Variants in KLF8 observed in about 807,000 individuals in gnomAD.
KLF8 encodes the protein KLF transcription factor 8.
A neutral mutation model predicts 18.2 loss-of-function variants in KLF8; 10 were observed. That is an observed-to-expected ratio of 0.55 (90% CI 0.34 to 0.93). The LOEUF (loss-of-function observed/expected upper bound fraction) is 0.93, where lower values mean the gene tolerates loss of function less well. Ranked by LOEUF, KLF8 falls within the 40% of genes least tolerant of loss-of-function variation. KLF8 has a pLI of 0.02. For synonymous variants in KLF8, 109 were observed against 97.3 expected (o/e 1.12, Z -0.71); for missense variants, 264 against 277.9 (o/e 0.95, Z 0.36).
the KLF8 span, among the ~76,000 whole-genome samples, chrX:56,037,305 G>T: frequency 9.0e-6 from 1 of 110,966 alleles, no homozygotes; most frequent in Admixed American, 9.6e-5. Flanking sequence ...TTTGTTGGTG[G>T]ATTCCATTTA....
the KLF8 span, among the ~76,000 whole-genome samples, chrX:56,191,758 A>G: frequency 1.8e-5 from 2 of 111,559 alleles, no homozygotes; most frequent in African/African-American, 3.2e-5. Context: ...CTAAAAATGC[A>G]TTTAATAAAA....
At chrX:56,189,089 C>A in the KLF8 span, among the ~76,000 whole-genome samples, 1 of 111,399 alleles carries the variant, frequency 9.0e-6, no homozygotes, top group Non-Finnish European at 1.9e-5. Flanking sequence ...AGGCAGCATA[C>A]AAAATGGGAG....
the KLF8 span, among the ~76,000 whole-genome samples, chrX:56,060,033 C>A: frequency 9.0e-6 from 1 of 111,162 alleles, no homozygotes; most frequent in Non-Finnish European, 1.9e-5. Flanking sequence ...CTTCCTTGAG[C>A]AGTGAGACCT....
the KLF8 span, among the ~76,000 whole-genome samples, chrX:55,984,008 GATAT>G: frequency 6.6e-5 from 7 of 106,211 alleles, no homozygotes; most frequent in East Asian, 5.8e-4. Flanking sequence ...TATATATAAT[GATAT>G]ATATATATAT....
chrX:56,232,979 C>G lies in KLF8; in HGVS notation c.-356C>G. On this transcript the variant is annotated 5_prime_UTR_variant, in exon 1 of 6. Coordinates refer to ENST00000468660, the MANE Select transcript of KLF8 (RefSeq NM_007250.5). The stretch of plus-strand genomic sequence containing the variant: ...CTCTGGCCACTTCGGCCCAGCGAAC[C>G]CACTTTATTTTTGTCCAAGGAAAAG... 1 of 271,265 alleles carries G rather than the reference C, an allele frequency of 3.7e-6. No individual in the cohort carries two copies. The highest frequency in any genetic ancestry group is 6.7e-6 in the Non-Finnish European group (1 of 148,494). 22.4% of individuals were successfully genotyped at this position (271,265 alleles called of 1,213,427 possible).
chrX:56,256,536 T>A (rs1178600172), intron 2 of KLF8, among the ~76,000 whole-genome samples: 1 of 111,678 alleles, frequency 9.0e-6, no homozygotes, highest in Non-Finnish European at 1.9e-5. Context: ...TGTCTTCTGA[T>A]GTAGGCACTT....
At chrX:56,217,398 C>CTATT in the KLF8 span, among the ~76,000 whole-genome samples, 1,435 of 103,590 alleles carry the variant, frequency 0.014, 40 homozygotes, top group African/African-American at 0.047. Flanking sequence ...CTGAATTGTA[C>CTATT]TATTTATTTA....
chrX:55,928,337 C>T, the KLF8 span, among the ~76,000 whole-genome samples: 139 of 111,489 alleles, frequency 1.2e-3, no homozygotes, highest in Non-Finnish European at 2.2e-3. Context: ...AGATTGTCTG[C>T]TGAGTTTCCC....
intron 2 of KLF8, among the ~76,000 whole-genome samples, chrX:56,263,699 A>C (rs780036351): frequency 8.9e-6 from 1 of 112,318 alleles, no homozygotes; most frequent in South Asian, 3.7e-4. Context: ...CATAATTATC[A>C]CACCTTAAAA....
At chrX:56,058,595 A>G in the KLF8 span, among the ~76,000 whole-genome samples, 1 of 105,128 alleles carries the variant, frequency 9.5e-6, no homozygotes, top group African/African-American at 3.5e-5. Flanking sequence ...AAGTAAGAAC[A>G]TGTGGGGTTT....
At chrX:55,986,032 T>C in the KLF8 span, among the ~76,000 whole-genome samples, 1 of 111,797 alleles carries the variant, frequency 8.9e-6, no homozygotes, top group African/African-American at 3.3e-5. Flanking sequence ...ATTAAGAAGC[T>C]TTTGGGCTGA....
At chrX:56,072,560 G>T in the KLF8 span, among the ~76,000 whole-genome samples, 1 of 111,223 alleles carries the variant, frequency 9.0e-6, no homozygotes, top group East Asian at 2.8e-4. Context: ...ACTATCTTGG[G>T]CGATATATTT....
At chrX:56,076,639 C>A in the KLF8 span, among the ~76,000 whole-genome samples, 4 of 111,380 alleles carry the variant, frequency 3.6e-5, no homozygotes, top group Non-Finnish European at 5.7e-5. Flanking sequence ...GACTTATAGT[C>A]CTTCGGGTAT....
the KLF8 span, among the ~76,000 whole-genome samples, chrX:56,179,564 G>C: frequency 8.9e-6 from 1 of 112,054 alleles, no homozygotes; most frequent in Non-Finnish European, 1.9e-5. Context: ...TCCCTGTCTT[G>C]TGACAGTTTT....
At chrX:55,973,894 A>G in the KLF8 span, among the ~76,000 whole-genome samples, 2 of 111,847 alleles carry the variant, frequency 1.8e-5, no homozygotes, top group South Asian at 7.5e-4. Context: ...GTTTGTTCAT[A>G]GCAGCAGTAT....
At chrX:56,053,142 C>A in the KLF8 span, among the ~76,000 whole-genome samples, 5 of 112,244 alleles carry the variant, frequency 4.5e-5, no homozygotes, top group East Asian at 1.4e-3. Context: ...ACGGTGCCCG[C>A]ACCCACTGAC....
rs1201194831 is a variant in KLF8 at position 56,286,665 on chromosome X, ACTTG to A, written c.*2173_*2176del. 8.9e-6 allele frequency: 1 copy of A among 112,148 alleles called. No homozygotes were observed. Among genetic ancestry groups the A allele is most frequent in the Admixed American group, 9.4e-5 (1 of 10,584 alleles). The allele number at this position is 112,148 out of a possible 1,213,427, so 9.2% of individuals were successfully genotyped here. On this transcript the variant is annotated 3_prime_UTR_variant, in exon 6 of 6. Coordinates refer to ENST00000468660, the MANE Select transcript of KLF8 (RefSeq NM_007250.5). Reference sequence around the variant, plus strand: ...TCTAGATTTTATTTACCTCATTTTAACTTGCAATGTCTGTCTATCTCATGAACTC... The same window carrying A: ...TCTAGATTTTATTTACCTCATTTTAACAATGTCTGTCTATCTCATGAACTC...
chrX:55,953,873 G>C, the KLF8 span, among the ~76,000 whole-genome samples: 1 of 109,270 alleles, frequency 9.2e-6, no homozygotes. Flanking sequence ...TTGTTATTTG[G>C]GTTAGACAAT....
intron 1 of KLF8, chrX:56,243,209 G>A: frequency 2.1e-6 from 1 of 483,368 alleles, no homozygotes; most frequent in Non-Finnish European, 3.8e-6. Flanking sequence ...GTTTCTCCTG[G>A]GGGCACTCCT....
Sources: allele counts gnomAD v4.1 joint callset (sites outside exome capture counted in the v4.1 genomes callset), GRCh38; gene constraint gnomAD v4.1.1; transcripts MANE v1.5; gene names NCBI Gene and HGNC (gene_info 2026-07-23, HGNC 2026-07-21).